The following MCUB variants were observed in gnomAD, a reference collection of about 807,000 sequenced individuals.
MCUB encodes the protein calcium uniporter regulatory subunit MCUb, mitochondrial.
MCUB carries 46 observed loss-of-function variants against 41.4 expected under a neutral mutation model. The observed-to-expected ratio is 1.11, with a 90% CI of 0.88 to 1.42. The LOEUF is 1.42. MCUB is among the 40% of genes most tolerant of loss of function. The pLI is 0.00. For missense variants in MCUB, 403 were observed against 404.9 expected (o/e 1.00, Z 0.04); for synonymous variants, 148 against 148.2 (o/e 1.00, Z 0.01).
At chr4:109,590,429 T>C (rs1432506464) in intron 1 of MCUB, among the ~76,000 whole-genome samples, 1 of 152,232 alleles carries the variant, frequency 6.6e-6, no homozygotes, top group Non-Finnish European at 1.5e-5. Context: ...TTTTATGGGA[T>C]TTTAAAAATT....
chr4:109,679,688 T>A lies in MCUB; in HGVS notation c.452-2894T>A, dbSNP rs139013765. Reference sequence around the variant, plus strand: ...TTTGTAAATTATGGGGTCTGTGGTATCGTGTTATAGAAGCAGAAAGTGGAC... The same window carrying A: ...TTTGTAAATTATGGGGTCTGTGGTAACGTGTTATAGAAGCAGAAAGTGGAC... On this transcript the variant is annotated intron_variant, in intron 4 of 7. Transcript: ENST00000394650. 1.0e-3 allele frequency among the ~76,000 whole-genome samples: 156 copies of A among 152,270 alleles called. 1 individual carries two copies. Among genetic ancestry groups the A allele is most frequent in the African/African-American group, 3.6e-3 (151 of 41,562 alleles).
intron 4 of MCUB, among the ~76,000 whole-genome samples, chr4:109,679,213 C>T (rs987675038): frequency 1.3e-4 from 20 of 150,438 alleles, no homozygotes; most frequent in African/African-American, 2.7e-4. Flanking sequence ...ATGGGTGGCC[C>T]GGCAGAGACA....
chr4:109,586,733 GT>G (rs1209049666), intron 1 of MCUB, among the ~76,000 whole-genome samples: 1 of 152,208 alleles, frequency 6.6e-6, no homozygotes, highest in African/African-American at 2.4e-5. Context: ...GTCTGTTGGA[GT>G]TTGCTGGAGG....
At chr4:109,686,224 G>A (rs752424087) in intron 7 of MCUB, among the ~76,000 whole-genome samples, 12 of 152,202 alleles carry the variant, frequency 7.9e-5, no homozygotes, top group East Asian at 3.9e-4. Flanking sequence ...TGCAACCTCC[G>A]CCTCCTGGGT....
At chr4:109,600,158 G>A (rs1214691168) in intron 1 of MCUB, among the ~76,000 whole-genome samples, 3 of 152,158 alleles carry the variant, frequency 2.0e-5, no homozygotes, top group Non-Finnish European at 2.9e-5. Flanking sequence ...TGATTAAATG[G>A]CAATGGCACT....
intron 1 of MCUB, among the ~76,000 whole-genome samples, chr4:109,596,245 A>C (rs557349276): frequency 2.0e-4 from 15 of 73,764 alleles, no homozygotes; most frequent in African/African-American, 8.5e-4. Context: ...CGGTGAGAAG[A>C]AAATAAGGCT....
chr4:109,580,099 A>G (rs574791951), intron 1 of MCUB, among the ~76,000 whole-genome samples: 1 of 151,826 alleles, frequency 6.6e-6, no homozygotes, highest in Admixed American at 6.6e-5. Context: ...CTCATTGTTC[A>G]GTTCCCAATT....
chr4:109,616,569 T>A lies in MCUB; in HGVS notation c.100-42442T>A, dbSNP rs552495280. ...TTACTTGGACCTGACACTTTAAACA[T>A]GTTTAACTTAGCCTGTCTTGCTGAC... On this transcript the variant is annotated intron_variant, in intron 1 of 7. Transcript: ENST00000394650. Among the ~76,000 whole-genome samples, 75 of 152,314 alleles carry A rather than the reference T, an allele frequency of 4.9e-4. 2 individuals are homozygous for A. Among genetic ancestry groups the A allele is most frequent in the African/African-American group, 1.8e-3 (74 of 41,564 alleles).
chr4:109,594,903 G>T (rs777427054), intron 1 of MCUB, among the ~76,000 whole-genome samples: 11 of 151,692 alleles, frequency 7.3e-5, no homozygotes, highest in Non-Finnish European at 1.3e-4. Context: ...CACCAGGGAA[G>T]AACAGGCAAG....
At chr4:109,680,899 G>C (rs1729700692) in intron 4 of MCUB, among the ~76,000 whole-genome samples, 1 of 152,148 alleles carries the variant, frequency 6.6e-6, no homozygotes, top group Non-Finnish European at 1.5e-5. Flanking sequence ...GCTCTCAGAA[G>C]GGTATCAATC....
At chr4:109,584,882 A>G (rs1036750470) in intron 1 of MCUB, among the ~76,000 whole-genome samples, 1 of 152,116 alleles carries the variant, frequency 6.6e-6, no homozygotes, top group Admixed American at 6.6e-5. Context: ...ACTATGGTCA[A>G]TTTTGGAGTA....
rs150234871 is a variant in MCUB at position 109,686,221 on chromosome 4, T to C, written c.933+854T>C. 6.9e-3 allele frequency among the ~76,000 whole-genome samples: 1,058 copies of C among 152,298 alleles called. 5 individuals carry two copies. The highest frequency in any genetic ancestry group is 0.011 in the Non-Finnish European group (748 of 68,018). On this transcript the variant is annotated intron_variant, in intron 7 of 7. Coordinates refer to ENST00000394650, the MANE Select transcript of MCUB (RefSeq NM_017918.5). ...GGTGCAATCTCAGTTCACTGCAACC[T>C]CCGCCTCCTGGGTTCAAGTGATTCT...
intron 2 of MCUB, among the ~76,000 whole-genome samples, chr4:109,659,802 G>A (rs1050143424): frequency 5.9e-5 from 9 of 152,072 alleles, no homozygotes; most frequent in Non-Finnish European, 1.0e-4. Context: ...AACTACAGGC[G>A]CACACCACCA....
intron 4 of MCUB, among the ~76,000 whole-genome samples, chr4:109,671,535 A>G (rs1269033286): frequency 2.0e-5 from 3 of 151,846 alleles, no homozygotes; most frequent in African/African-American, 4.8e-5. Flanking sequence ...GGCATTCTTC[A>G]TTTCTGTTAC....
At chr4:109,648,596 T>G (rs1335721252) in intron 1 of MCUB, 1 of 439,442 alleles carries the variant, frequency 2.3e-6, no homozygotes, top group Non-Finnish European at 4.5e-6. Flanking sequence ...AAGATAACTT[T>G]CTAGTCTGTG....
At chr4:109,664,473 G>GCC in intron 4 of MCUB, 79 bp downstream of exon 4, 1 of 630,474 alleles carries the variant, frequency 1.6e-6, no homozygotes, top group Non-Finnish European at 2.8e-6. Context: ...TTCCCAGGCT[G>GCC]GAGTACAGTG....
At chr4:109,686,475 C>A (rs1178786521) in intron 7 of MCUB, among the ~76,000 whole-genome samples, 1 of 152,136 alleles carries the variant, frequency 6.6e-6, no homozygotes, top group Non-Finnish European at 1.5e-5. Flanking sequence ...TTCATATAGT[C>A]ATTCTATAGG....
intron 1 of MCUB, among the ~76,000 whole-genome samples, chr4:109,564,345 G>A (rs564631592): frequency 5.3e-5 from 8 of 151,866 alleles, no homozygotes; most frequent in South Asian, 2.1e-4. Context: ...TCACCATGTT[G>A]GCCAAGATGG....
chr4:109,586,844 G>A (rs2126127806), intron 1 of MCUB, among the ~76,000 whole-genome samples: 1 of 152,262 alleles, frequency 6.6e-6, no homozygotes, highest in Admixed American at 6.5e-5. Flanking sequence ...CCCCAGAAGG[G>A]CAGCTGCCTA....
Sources: allele counts gnomAD v4.1 joint callset (sites outside exome capture counted in the v4.1 genomes callset), GRCh38; gene constraint gnomAD v4.1.1; transcripts MANE v1.5; gene names NCBI Gene and HGNC (gene_info 2026-07-23, HGNC 2026-07-21).